The following ARHGEF10 variants were observed in gnomAD, a reference collection of about 807,000 sequenced individuals.
ARHGEF10 encodes the protein Rho guanine nucleotide exchange factor 10, also known as Rho guanine nucleotide exchange factor (GEF) 10.
A neutral mutation model predicts 147.4 loss-of-function variants in ARHGEF10; 140 were observed. That is an observed-to-expected ratio of 0.95 (90% CI 0.83 to 1.09). The LOEUF is 1.09. Ranked by LOEUF, ARHGEF10 falls within the 50% of genes least tolerant of loss-of-function variation. The pLI, the probability that ARHGEF10 is intolerant of heterozygous loss-of-function variation, is 0.00. For missense variants in ARHGEF10, 2,222 were observed against 1,752.7 expected (o/e 1.27, Z -4.78); for synonymous variants, 902 against 695.8 (o/e 1.30, Z -4.67).
intron 25 of ARHGEF10, among the ~76,000 whole-genome samples, chr8:1,930,967 C>A (rs1355460065): frequency 1.3e-5 from 2 of 152,264 alleles, no homozygotes; most frequent in Middle Eastern, 3.2e-3. Context: ...GGTGCCCCGG[C>A]CTGGATTCCG....
intron 6 of ARHGEF10, 60 bp downstream of exon 6, chr8:1,866,662 G>A: frequency 1.3e-6 from 2 of 1,495,998 alleles, no homozygotes; most frequent in Non-Finnish European, 1.8e-6. Flanking sequence ...CGTCACTGCG[G>A]CGGGGCCGGG....
chr8:1,880,935 C>T (rs918722690), intron 9 of ARHGEF10, among the ~76,000 whole-genome samples: 3 of 152,198 alleles, frequency 2.0e-5, no homozygotes, highest in Non-Finnish European at 2.9e-5. Flanking sequence ...CCCCTGGGAG[C>T]CGCGTTACCC....
At chr8:1,929,728 A>C (rs1812970097) in intron 25 of ARHGEF10, among the ~76,000 whole-genome samples, 1 of 152,162 alleles carries the variant, frequency 6.6e-6, no homozygotes, top group African/African-American at 2.4e-5. Context: ...GCACCGGGCC[A>C]TGCAGAGCCT....
chr8:1,952,315 A>C (rs1198441000), intron 27 of ARHGEF10, among the ~76,000 whole-genome samples: 1 of 152,188 alleles, frequency 6.6e-6, no homozygotes, highest in Non-Finnish European at 1.5e-5. Flanking sequence ...TCTGCTCCCA[A>C]AGAACCACAG....
At chr8:1,952,099 G>A (rs776573263) in intron 27 of ARHGEF10, among the ~76,000 whole-genome samples, 4 of 152,228 alleles carry the variant, frequency 2.6e-5, no homozygotes, top group Non-Finnish European at 4.4e-5. Flanking sequence ...CTAACAAAGA[G>A]CCTCAAAGGC....
chr8:1,876,290 G>A (rs1438367511), intron 7 of ARHGEF10: 1 of 504,240 alleles, frequency 2.0e-6, no homozygotes, highest in Non-Finnish European at 3.6e-6. Flanking sequence ...GACTGTGGCG[G>A]ATGCCCATAG....
rs552116336 is a variant in ARHGEF10 at position 1,827,256 on chromosome 8, G to A, written c.-48+3143G>A. On this transcript the variant is annotated intron_variant, in intron 1 of 28. Coordinates refer to ENST00000349830, the MANE Select transcript of ARHGEF10 (RefSeq NM_014629.4). ...TTCATAGTTGTCAGGTTTGGACATT[G>A]GTTTTGGTTCTGTTTGTTTGTTTTC... Among the ~76,000 whole-genome samples the A allele has an allele frequency of 7.2e-5, 11 of 152,334 alleles. No individual in the cohort carries two copies. The South Asian group carries it at 1.4e-3, about 20-fold the overall frequency.
Position 1,925,321 on chromosome 8 carries a change from G to C in ARHGEF10, c.2527G>C (p.Asp843His). The C allele has an allele frequency of 6.2e-7, 1 of 1,614,170 alleles. No individual in the cohort carries two copies. The part of the protein sequence containing the change: ...NHMGWFCVED[D>H]GNHIKKEKHP... The stretch of plus-strand genomic sequence containing the variant: ...CATGGGCTGGTTCTGTGTGGAAGAC[G>C]ATGGGAATCACATTAAAAAGGAGAA... The change falls in exon 22 of 29, where the codon GAT (aspartate) becomes CAT (histidine). Residue 843 changes from aspartate (D) to histidine (H), a missense_variant. Asp to His is a moderately conservative substitution (Grantham distance 81). Coordinates refer to ENST00000349830, the MANE Select transcript of ARHGEF10 (RefSeq NM_014629.4).
intron 7 of ARHGEF10, chr8:1,870,648 A>G (rs1317611422): frequency 1.3e-5 from 2 of 152,258 alleles, no homozygotes; most frequent in Non-Finnish European, 2.9e-5. Flanking sequence ...TAAGCAAGGA[A>G]TAATTCATGA....
intron 26 of ARHGEF10, among the ~76,000 whole-genome samples, chr8:1,935,063 A>G (rs1813464899): frequency 6.6e-6 from 1 of 152,230 alleles, no homozygotes; most frequent in Non-Finnish European, 1.5e-5. Context: ...ATACACATAT[A>G]ACTTAGCCTC....
chr8:1,900,578 A>G (rs1436120398), intron 15 of ARHGEF10, among the ~76,000 whole-genome samples: 4 of 152,178 alleles, frequency 2.6e-5, no homozygotes, highest in Admixed American at 2.6e-4. Context: ...GCGCTGTCGG[A>G]CGGGCATGGC....
chr8:1,919,227 T>C (rs1812013191), intron 18 of ARHGEF10, among the ~76,000 whole-genome samples: 1 of 144,298 alleles, frequency 6.9e-6, no homozygotes, highest in African/African-American at 2.7e-5. Context: ...CCGTGGGTGA[T>C]GGAGCTGTTC....
chr8:1,886,753 T>C (rs910057243), intron 11 of ARHGEF10, among the ~76,000 whole-genome samples: 24 of 152,200 alleles, frequency 1.6e-4, no homozygotes, highest in African/African-American at 4.6e-4. Flanking sequence ...GCCATCCTTG[T>C]GTACTCTGTA....
chr8:1,922,848 G>C (rs1311453302), intron 18 of ARHGEF10, 116 bp from the exon 19 acceptor site: 1 of 716,240 alleles, frequency 1.4e-6, no homozygotes. Context: ...AAAAGTTCTA[G>C]ATTCACCCCT....
At chr8:1,912,740 A>T (rs1013345549) in intron 18 of ARHGEF10, among the ~76,000 whole-genome samples, 9 of 152,110 alleles carry the variant, frequency 5.9e-5, no homozygotes, top group Non-Finnish European at 1.2e-4. Context: ...GTTTTGAAAA[A>T]TGTCGTGTCC....
chr8:1,867,954 G>T (rs1051230627), intron 6 of ARHGEF10, among the ~76,000 whole-genome samples: 3 of 152,186 alleles, frequency 2.0e-5, no homozygotes, highest in Non-Finnish European at 4.4e-5. Context: ...ATCGTTACAG[G>T]ATTAAATTAT....
In ARHGEF10 at chr8:1,948,994, A is replaced by G. The variant is rs570781415; in HGVS notation, c.3397+3339A>G. On this transcript the variant is annotated intron_variant, in intron 27 of 28. Coordinates refer to ENST00000349830, the MANE Select transcript of ARHGEF10 (RefSeq NM_014629.4). The surrounding 1 kb of genome is among the most constrained non-coding windows in gnomAD (Gnocchi z 4.9). ...AAACCTTCATTCTAGAGTTGTATTCATGACGATGCTCAAATGGGTTTTCAT... is the reference window on the plus strand; with the variant it reads ...AAACCTTCATTCTAGAGTTGTATTCGTGACGATGCTCAAATGGGTTTTCAT... Among the ~76,000 whole-genome samples the G allele has an allele frequency of 1.3e-5, 2 of 150,746 alleles. No individual in the cohort carries two copies. The highest frequency in any genetic ancestry group is 4.2e-4 in the South Asian group (2 of 4,722).
chr8:1,952,516 A>C (rs1815138261), intron 27 of ARHGEF10, among the ~76,000 whole-genome samples, 189 bp from the exon 28 acceptor site: 1 of 152,220 alleles, frequency 6.6e-6, no homozygotes, highest in Admixed American at 6.5e-5. Context: ...GTATGCCCTC[A>C]AGACCCTTGT....
At chr8:1,919,981 T>TGAGCTGTTCTGTCAGTGATG (rs1563286156) in intron 18 of ARHGEF10, among the ~76,000 whole-genome samples, 1 of 140,920 alleles carries the variant, frequency 7.1e-6, no homozygotes, top group Non-Finnish European at 1.5e-5. Flanking sequence ...CTGTGGGTGA[T>TGAGCTGTTCTGTCAGTGATG]GAGCTGTTCT....
Sources: allele counts gnomAD v4.1 joint callset (sites outside exome capture counted in the v4.1 genomes callset), GRCh38; gene constraint gnomAD v4.1.1; non-coding constraint Gnocchi (gnomAD v3.1); transcripts MANE v1.5; gene names NCBI Gene and HGNC (gene_info 2026-07-23, HGNC 2026-07-21).